The following SUCO variants were observed in gnomAD, a reference collection of about 807,000 sequenced individuals.
SUCO encodes the protein SUN domain-containing ossification factor.
Under a neutral mutation model 148.1 loss-of-function variants are expected in SUCO, and 57 were observed. That is an observed-to-expected ratio of 0.38 (90% CI 0.31 to 0.48). SUCO has a LOEUF of 0.48. Among genes scored for constraint, SUCO ranks in the 20% least tolerant of loss-of-function variants. The pLI, the probability that SUCO is intolerant of heterozygous loss-of-function variation, is 0.96. For missense variants in SUCO, 1,331 were observed against 1,468.2 expected (o/e 0.91, Z 1.53); for synonymous variants, 470 against 502.7 (o/e 0.93, Z 0.87).
intron 10 of SUCO, 136 bp from the exon 11 acceptor site, chr1:172,575,382 A>G: frequency 1.8e-6 from 1 of 570,792 alleles, no homozygotes; most frequent in South Asian, 2.4e-5. Context: ...TATTAAATGT[A>G]TGTATTTATG....
At chr1:172,538,766 C>T (rs1161411703) in intron 1 of SUCO, among the ~76,000 whole-genome samples, 1 of 151,982 alleles carries the variant, frequency 6.6e-6, no homozygotes, top group African/African-American at 2.4e-5. Flanking sequence ...TATCTTTGCT[C>T]TAGGATATAT....
In SUCO at chr1:172,589,306, A is replaced by C. The variant is rs1361709890; in HGVS notation, c.2205A>C (p.Leu735Phe). The change falls in exon 18 of 24, where the codon TTA (leucine) becomes TTC (phenylalanine). Residue 735 changes from leucine to phenylalanine, a missense_variant. By Grantham distance (22) the Leu-to-Phe change is conservative. Around this residue, in one of 3 missense-constraint regions of SUCO, gnomAD observed 992 missense variants for 1,093.5 expected, o/e 0.91. Coordinates refer to ENST00000263688, the MANE Select transcript of SUCO (RefSeq NM_014283.5). ...HSQTLSQSLL[L>F]DITPEINPLP... ...AAACTCTTTCTCAGTCTCTTCTTTT[A>C]GATATTACCCCAGAAATCAATCCCT... is the stretch of plus-strand genomic sequence containing the variant. 2 of 1,613,362 alleles carry C rather than the reference A, an allele frequency of 1.2e-6. No homozygotes were observed. Among genetic ancestry groups the C allele is most frequent in the Non-Finnish European group, 1.7e-6 (2 of 1,179,724 alleles).
intron 7 of SUCO, chr1:172,569,530 C>G (rs1455234058): frequency 2.0e-6 from 2 of 978,802 alleles, no homozygotes; most frequent in Non-Finnish European, 2.4e-6. Context: ...TATGATGTTT[C>G]AAGAACATAC....
rs1312034800 is a variant in SUCO, at chr1:172,543,030, A to G, written c.63-8482A>G. ...TTTGTTTGGTAGCCAGGAGATGTAG[A>G]AGAGTACATAAAAAAAAAAAAGTTA... On this transcript the variant is annotated intron_variant, in intron 1 of 23. Coordinates refer to ENST00000263688, the MANE Select transcript of SUCO (RefSeq NM_014283.5). The G allele has an allele frequency of 5.1e-6, 5 of 983,560 alleles. No individual in the cohort carries two copies. The African/African-American group carries it at 8.8e-5, about 17-fold the overall frequency. The allele number at this position is 983,560 out of a possible 1,614,324, so 60.9% of individuals were successfully genotyped here. A position where few individuals can be genotyped will look rare whatever the true frequency, so the allele number is the denominator to read the frequency against.
Position 172,589,809 on chromosome 1 carries a change from A to G in SUCO, c.2708A>G (p.Asn903Ser), listed in dbSNP as rs1338482342. 1.2e-6 allele frequency: 2 copies of G among 1,611,404 alleles called. No individual in the cohort carries two copies. Among genetic ancestry groups the G allele is most frequent in the Admixed American group, 1.7e-5 (1 of 59,294 alleles). The change falls in exon 18 of 24, where the codon AAT (asparagine) becomes AGT (serine). Residue 903 changes from asparagine (N) to serine (S), a missense_variant. Physicochemically the swap from Asn to Ser is conservative, Grantham distance 46. Around this residue, in one of 3 missense-constraint regions of SUCO, gnomAD observed 992 missense variants for 1,093.5 expected, o/e 0.91. Coordinates refer to ENST00000263688, the MANE Select transcript of SUCO (RefSeq NM_014283.5). ...NSTDLGYANG[N>S]LVHGSNQKES... ...ACAGATCTAGGATATGCTAATGGAA[A>G]TCTTGTACATGGATCAAACCAAAAG...
At chr1:172,549,557 TTC>T (rs961382791) in intron 1 of SUCO, among the ~76,000 whole-genome samples, 1 of 151,974 alleles carries the variant, frequency 6.6e-6, no homozygotes, top group African/African-American at 2.4e-5. Flanking sequence ...AGGTATTTTT[TTC>T]TCAATCACTT....
In SUCO at chr1:172,602,090, C is replaced by T. The variant is rs749483241; in HGVS notation, c.3045C>T (p.Val1015=). ...TTTCAGATCGACAAAGCTATCTTGT[C>T]ATATCTTTGGTTCTTTGTGTTGTCT... ...REVSDRQSYL[V]ISLVLCVVLG... Residue 1015 remains valine (V), a synonymous_variant, in exon 21 of 24, where the codon GTC becomes GTT. Transcript: ENST00000263688. 1.2e-6 allele frequency: 2 copies of T among 1,611,412 alleles called. No individual in the cohort carries two copies. Among genetic ancestry groups the T allele is most frequent in the Non-Finnish European group, 8.5e-7 (1 of 1,178,814 alleles).
chr1:172,551,055 A>G (rs534378827), intron 1 of SUCO: 16 of 187,546 alleles, frequency 8.5e-5, no homozygotes, highest in Admixed American at 3.9e-4. Context: ...TGTATGTGCT[A>G]TTTCTGTTAG....
At chr1:172,557,533 T>C in intron 5 of SUCO, 111 bp from the exon 6 acceptor site, 5 of 1,488,928 alleles carry the variant, frequency 3.4e-6, no homozygotes, top group Non-Finnish European at 3.6e-6. Flanking sequence ...GCTGATCTCT[T>C]TGTGTTTCTT....
At position 172,610,092 on chromosome 1, in the gene SUCO, A is replaced by G; in HGVS notation, c.3598A>G (p.Arg1200Gly). 6.2e-7 allele frequency: 1 copy of G among 1,613,930 alleles called. No homozygotes were observed. Among genetic ancestry groups the G allele is most frequent in the Non-Finnish European group, 8.5e-7 (1 of 1,179,886 alleles). The stretch of plus-strand genomic sequence containing the variant: ...GTCTCAAAAGACAAAAACTGAGAAG[A>G]GGGCTTTAAAACGAAGACGATCTAA... ...GQSQKTKTEKRALKRRRSKVQ... is the reference protein window; with the variant it reads ...GQSQKTKTEKGALKRRRSKVQ... Residue 1200 changes from arginine to glycine, a missense_variant, in exon 24 of 24, where the codon AGG becomes GGG. Transcript: ENST00000263688.
intron 6 of SUCO, among the ~76,000 whole-genome samples, chr1:172,558,592 A>G (rs1653915886): frequency 1.3e-5 from 2 of 152,176 alleles, no homozygotes; most frequent in East Asian, 1.9e-4. Flanking sequence ...ACTTACGACT[A>G]ACTAAACTTC....
chr1:172,553,365 G>A lies in SUCO; in HGVS notation c.283G>A (p.Val95Ile), dbSNP rs1425726640. 10 of 1,579,916 alleles carry A rather than the reference G, an allele frequency of 6.3e-6. No homozygotes were observed. The highest frequency in any genetic ancestry group is 8.6e-6 in the Non-Finnish European group (10 of 1,157,832). ...HKLKDDSIVDVQNTESKKLSP... is the reference protein window; with the variant it reads ...HKLKDDSIVDIQNTESKKLSP... Reference sequence around the variant, plus strand: ...ATTAAAAGATGATTCTATTGTGGATGTACAAGTAAGCTATGTCGCTTTGAT... The same window carrying A: ...ATTAAAAGATGATTCTATTGTGGATATACAAGTAAGCTATGTCGCTTTGAT... Residue 95 changes from valine to isoleucine, a missense_variant, in exon 3 of 24, where the codon GTA becomes ATA. Transcript: ENST00000263688.
chr1:172,600,305 C>T (rs983432693), intron 20 of SUCO, 137 bp downstream of exon 20: 1 of 638,302 alleles, frequency 1.6e-6, no homozygotes, highest in Non-Finnish European at 2.7e-6. Context: ...TTTCAAAAAC[C>T]AGAATATGGC....
At chr1:172,564,946 A>C (rs1162359347) in intron 6 of SUCO, among the ~76,000 whole-genome samples, 1 of 152,226 alleles carries the variant, frequency 6.6e-6, no homozygotes, top group African/African-American at 2.4e-5. Flanking sequence ...CATTTTATGT[A>C]AACCTAGCAA....
chr1:172,601,888 A>C lies in SUCO; in HGVS notation c.3019-176A>C, dbSNP rs546314015. ...TATAGAAAGAATTGGAATGCTGCAA[A>C]GAATTTTTTTTCTTTAATGTCATAG... On this transcript the variant is annotated intron_variant, in intron 20 of 23. Coordinates refer to ENST00000263688, the MANE Select transcript of SUCO (RefSeq NM_014283.5). The C allele has an allele frequency of 1.9e-3, 416 of 224,330 alleles. 2 individuals carry two copies. Among genetic ancestry groups the C allele is most frequent in the Non-Finnish European group, 2.9e-3 (383 of 134,274 alleles). The allele number at this position is 224,330 out of a possible 1,614,324, so 13.9% of individuals were successfully genotyped here. A position where few individuals can be genotyped will look rare whatever the true frequency, so the allele number is the denominator to read the frequency against.
intron 10 of SUCO, chr1:172,575,038 C>A: frequency 4.0e-6 from 1 of 252,848 alleles, no homozygotes. Flanking sequence ...TTTCAGTAAA[C>A]AGATATAATA....
In SUCO at chr1:172,602,057, A is replaced by G. The variant is rs1375468246; in HGVS notation, c.3019-7A>G. 6.2e-7 allele frequency: 1 copy of G among 1,603,324 alleles called. No homozygotes were observed. Among genetic ancestry groups the G allele is most frequent in the Admixed American group, 1.7e-5 (1 of 58,070 alleles). ...ATGATTATTATTTAACCCTCTTCTC[A>G]TCTCAGGTTTCAGATCGACAAAGCT... On this transcript the variant is annotated splice_polypyrimidine_tract_variant and splice_region_variant and intron_variant, in intron 20 of 23. Coordinates refer to ENST00000263688, the MANE Select transcript of SUCO (RefSeq NM_014283.5).
intron 6 of SUCO, among the ~76,000 whole-genome samples, chr1:172,566,107 G>A (rs754058090): frequency 1.3e-5 from 2 of 152,206 alleles, no homozygotes; most frequent in Admixed American, 6.5e-5. Flanking sequence ...ATGAGGCAGT[G>A]GCATTATGGC....
At chr1:172,545,227 A>G (rs1558171903) in intron 1 of SUCO, among the ~76,000 whole-genome samples, 1 of 152,046 alleles carries the variant, frequency 6.6e-6, no homozygotes. Context: ...AGGAAGAGAG[A>G]TGCAACTTTT....
Sources: gnomAD v4.1 joint callset for allele counts (sites outside exome capture counted in the v4.1 genomes callset) on GRCh38, gnomAD v4.1.1 for gene constraint, gnomAD v4.1.1 regional missense constraint, MANE v1.5 for transcripts, NCBI Gene and HGNC (gene_info 2026-07-23, HGNC 2026-07-21) for gene names.